The following ANKFN1 variants were observed in gnomAD, a reference collection of about 807,000 sequenced individuals.
The protein encoded by ANKFN1 is ankyrin repeat and fibronectin type III domain containing 1, also known as ankyrin repeat and fibronectin type-III domain-containing protein 1.
ANKFN1 carries 74 observed loss-of-function variants against 108.7 expected under a neutral mutation model. The observed-to-expected ratio is 0.68, with a 90% confidence interval of 0.56 to 0.83. The LOEUF (loss-of-function observed/expected upper bound fraction) is 0.83. ANKFN1 is among the 40% of genes least tolerant of loss of function. ANKFN1 has a pLI of 0.00. For synonymous variants in ANKFN1, 547 were observed against 516.2 expected (o/e 1.06, Z -0.81); for missense variants, 1,505 against 1,382.3 (o/e 1.09, Z -1.41).
intron 8 of ANKFN1, among the ~76,000 whole-genome samples, chr17:56,424,343 G>A (rs1487174345): frequency 6.6e-6 from 1 of 152,144 alleles, no homozygotes; most frequent in Non-Finnish European, 1.5e-5. Context: ...TGAGAAGGAG[G>A]CACTGGATTT....
intron 1 of ANKFN1, among the ~76,000 whole-genome samples, chr17:56,203,393 C>T (rs746014109): frequency 6.6e-6 from 1 of 152,174 alleles, no homozygotes; most frequent in Admixed American, 6.5e-5. Context: ...AGGTGATGCT[C>T]CCCTCATGGT....
chr17:56,132,155 T>G (rs1907319198), intron 4 of ANKFN1, among the ~76,000 whole-genome samples: 2 of 152,228 alleles, frequency 1.3e-5, no homozygotes, highest in South Asian at 4.1e-4. Flanking sequence ...GGCTGATCAC[T>G]TAGTGCAAAC....
chr17:56,471,711 A>G (rs1488968054), intron 15 of ANKFN1: 1 of 152,264 alleles, frequency 6.6e-6, no homozygotes, highest in African/African-American at 2.4e-5. Context: ...TTCAGCCATT[A>G]AAATGAATCA....
chr17:56,190,812 G>T (rs1253801299), intron 1 of ANKFN1, among the ~76,000 whole-genome samples: 3 of 141,004 alleles, frequency 2.1e-5, no homozygotes, highest in African/African-American at 8.4e-5. Flanking sequence ...TGACAGTGGG[G>T]TGTTAAAGTC....
intron 8 of ANKFN1, among the ~76,000 whole-genome samples, chr17:56,393,252 G>T (rs1183072309): frequency 2.6e-5 from 4 of 152,132 alleles, no homozygotes; most frequent in African/African-American, 7.2e-5. Flanking sequence ...CTGCAGGGAA[G>T]AGTCCAGTGG....
At chr17:56,113,000 G>A (rs1322617265) in intron 4 of ANKFN1, among the ~76,000 whole-genome samples, 1 of 152,170 alleles carries the variant, frequency 6.6e-6, no homozygotes, top group African/African-American at 2.4e-5. Flanking sequence ...TTCCCAAAGA[G>A]CAATTAACTG....
chr17:56,180,599 A>G (rs1264831742), intron 1 of ANKFN1, among the ~76,000 whole-genome samples: 1 of 152,200 alleles, frequency 6.6e-6, no homozygotes, highest in African/African-American at 2.4e-5. Context: ...TCATTGGTAA[A>G]ACAATTATAC....
chr17:56,187,565 A>G (rs563266924), intron 1 of ANKFN1, among the ~76,000 whole-genome samples: 3 of 152,272 alleles, frequency 2.0e-5, no homozygotes, highest in Admixed American at 2.0e-4. Flanking sequence ...ATGCCATTTG[A>G]CCCAGTCATC....
At chr17:56,155,116 G>A (rs1908982505) in intron 1 of ANKFN1, among the ~76,000 whole-genome samples, 1 of 152,170 alleles carries the variant, frequency 6.6e-6, no homozygotes, top group Non-Finnish European at 1.5e-5. Context: ...AAAGGAACAT[G>A]GCAGACAGAG....
intron 9 of ANKFN1, among the ~76,000 whole-genome samples, chr17:56,441,231 A>T (rs1440681259): frequency 1.3e-5 from 2 of 152,218 alleles, no homozygotes; most frequent in African/African-American, 4.8e-5. Flanking sequence ...CAAATATTTA[A>T]TATCTTAGGA....
chr17:56,321,185 A>G (rs529466742), intron 3 of ANKFN1, among the ~76,000 whole-genome samples: 13 of 152,158 alleles, frequency 8.5e-5, no homozygotes, highest in African/African-American at 2.9e-4. Flanking sequence ...CACATTCATT[A>G]CTAACAACTT....
At chr17:56,312,063 T>C (rs140990447) in intron 3 of ANKFN1, among the ~76,000 whole-genome samples, 19 of 152,262 alleles carry the variant, frequency 1.2e-4, no homozygotes, top group African/African-American at 4.1e-4. Flanking sequence ...TCTATTCCCA[T>C]TGGACGTTAT....
At chr17:56,185,193 G>T (rs962964058) in intron 1 of ANKFN1, among the ~76,000 whole-genome samples, 1 of 152,064 alleles carries the variant, frequency 6.6e-6, no homozygotes, top group East Asian at 1.9e-4. Context: ...ATACTGATGT[G>T]ACTTCCCCCA....
chr17:56,261,278 G>C (rs995789467), intron 3 of ANKFN1, among the ~76,000 whole-genome samples: 1 of 152,152 alleles, frequency 6.6e-6, no homozygotes, highest in Admixed American at 6.5e-5. Flanking sequence ...GCCATTGTTA[G>C]AAGACCAACA....
intron 1 of ANKFN1, among the ~76,000 whole-genome samples, chr17:56,168,628 A>G (rs1910372857): frequency 6.6e-6 from 1 of 152,256 alleles, no homozygotes; most frequent in South Asian, 2.1e-4. Context: ...GAATATCGAT[A>G]GACATCGTAA....
intron 5 of ANKFN1, among the ~76,000 whole-genome samples, 191 bp from the exon 6 acceptor site, chr17:56,353,645 A>G (rs1308754034): frequency 6.6e-6 from 1 of 152,082 alleles, no homozygotes; most frequent in Non-Finnish European, 1.5e-5. Context: ...GCACTTATTC[A>G]ATGTCCATTA....
rs140782189 is a variant in ANKFN1 at position 56,298,129 on chromosome 17, T to A, written c.54-28092T>A. On this transcript the variant is annotated intron_variant, in intron 3 of 20. Coordinates refer to ENST00000682825, the MANE Select transcript of ANKFN1 (RefSeq NM_001370326.1). Reference sequence around the variant, plus strand: ...AGTCAGAGACTCCAAGGGTGAGCAATTGCGTGTTTTAATAGCCAAGTGAAT... The same window carrying A: ...AGTCAGAGACTCCAAGGGTGAGCAAATGCGTGTTTTAATAGCCAAGTGAAT... Among the ~76,000 whole-genome samples, 236 of 152,276 alleles carry A rather than the reference T, an allele frequency of 1.5e-3. 1 individual carries two copies. Among genetic ancestry groups the A allele is most frequent in the Middle Eastern group, 3.4e-3 (1 of 294 alleles).
chr17:56,446,260 A>G (rs947124068), intron 10 of ANKFN1, among the ~76,000 whole-genome samples: 3 of 152,170 alleles, frequency 2.0e-5, no homozygotes, highest in Non-Finnish European at 2.9e-5. Flanking sequence ...ATGCATTGGC[A>G]TGTTCAGGGA....
At chr17:56,443,022 C>G (rs1568005341) in intron 10 of ANKFN1, 89 bp downstream of exon 10, 11 of 1,289,268 alleles carry the variant, frequency 8.5e-6, no homozygotes, top group Non-Finnish European at 1.1e-5. Context: ...TCCCTTCCCC[C>G]ACTGCTTGCA....
Sources: gnomAD v4.1 joint callset for allele counts (sites outside exome capture counted in the v4.1 genomes callset) on GRCh38, gnomAD v4.1.1 for gene constraint, MANE v1.5 for transcripts, NCBI Gene and HGNC (gene_info 2026-07-23, HGNC 2026-07-21) for gene names.